The following CHRM2 variants were observed in gnomAD, a reference collection of about 807,000 sequenced individuals.
The protein encoded by CHRM2 is cholinergic receptor muscarinic 2, also known as muscarinic acetylcholine receptor M2.
Under a neutral mutation model 25.0 loss-of-function variants are expected in CHRM2, and 8 were observed. The ratio of observed to expected loss-of-function variants is 0.32; its 90% confidence interval spans 0.19 to 0.58. The LOEUF (loss-of-function observed/expected upper bound fraction) is 0.58, where lower values mean the gene tolerates loss of function less well. CHRM2 is among the 20% of genes least tolerant of loss of function. CHRM2 has a pLI of 0.88. For missense variants in CHRM2, 440 were observed against 567.1 expected, an observed-to-expected ratio of 0.78 and a Z score of 2.28; for synonymous variants, 202 against 205.7, an observed-to-expected ratio of 0.98 and a Z score of 0.15.
chr7:136,951,446 C>A (rs1283306775), intron 2 of CHRM2, among the ~76,000 whole-genome samples: 1 of 152,114 alleles, frequency 6.6e-6, no homozygotes, highest in African/African-American at 2.4e-5. Context: ...TGCTAGAGAG[C>A]CTGGCTTTGC....
At chr7:136,929,841 A>G (rs73158742) in intron 2 of CHRM2, among the ~76,000 whole-genome samples, 21,402 of 152,088 alleles carry the variant, frequency 0.14, 2,024 homozygotes, top group East Asian at 0.38. Flanking sequence ...TGAGAGAGGT[A>G]ATGCAACTCC....
intron 2 of CHRM2, chr7:136,872,025 A>T (rs1475415490): frequency 6.6e-6 from 1 of 152,224 alleles, no homozygotes; most frequent in African/African-American, 2.4e-5. Context: ...TAAAAAATTT[A>T]ACCTGACCCT....
At position 137,017,852 on chromosome 7, in the gene CHRM2, G is replaced by A. The variant is rs889549291; in HGVS notation, c.*1586G>A. The A allele has an allele frequency of 6.6e-5, 10 of 151,860 alleles. No individual in the cohort carries two copies. The highest frequency in any genetic ancestry group is 1.0e-4 in the Non-Finnish European group (7 of 67,898). The allele number at this position is 151,860 out of a possible 1,614,324, so 9.4% of individuals were successfully genotyped here. On this transcript the variant is annotated 3_prime_UTR_variant, in exon 4 of 4. Coordinates refer to ENST00000680005, the MANE Select transcript of CHRM2 (RefSeq NM_001006630.2). Reference sequence around the variant, plus strand: ...GTGGCATTATATAGAATCTTGCCACGTAGAGATTTTTTATTTGGTCGTCTA... The same window carrying A: ...GTGGCATTATATAGAATCTTGCCACATAGAGATTTTTTATTTGGTCGTCTA...
At chr7:136,965,419 A>C (rs1197908773) in intron 2 of CHRM2, among the ~76,000 whole-genome samples, 1 of 152,150 alleles carries the variant, frequency 6.6e-6, no homozygotes, top group Admixed American at 6.5e-5. Context: ...AGAGCAAATT[A>C]ATTGGTGAAA....
chr7:136,973,955 T>A (rs930460906), intron 2 of CHRM2, among the ~76,000 whole-genome samples: 1 of 152,290 alleles, frequency 6.6e-6, no homozygotes, highest in African/African-American at 2.4e-5. Flanking sequence ...ACTATTTGAT[T>A]CTTAAGAATG....
chr7:136,881,820 AGAG>A (rs1308210623), intron 2 of CHRM2, among the ~76,000 whole-genome samples: 6 of 152,060 alleles, frequency 3.9e-5, no homozygotes, highest in African/African-American at 1.4e-4. Flanking sequence ...AAATTCAAGA[AGAG>A]GAGAGGAAAA....
chr7:136,879,069 T>A (rs931476969), intron 2 of CHRM2, among the ~76,000 whole-genome samples: 5 of 151,950 alleles, frequency 3.3e-5, no homozygotes, highest in Non-Finnish European at 5.9e-5. Context: ...ACTAACCTCC[T>A]GGCTTAGCAT....
chr7:136,897,995 T>A (rs189406588), intron 2 of CHRM2, among the ~76,000 whole-genome samples: 3 of 152,236 alleles, frequency 2.0e-5, no homozygotes. Context: ...CATTGCTCTG[T>A]TAAACACTTT....
chr7:136,885,385 T>C (rs1796423005), intron 2 of CHRM2, among the ~76,000 whole-genome samples: 1 of 152,212 alleles, frequency 6.6e-6, no homozygotes, highest in South Asian at 2.1e-4. Context: ...GTATCATCTG[T>C]ATAGCCACAT....
chr7:136,905,835 G>A (rs374468446), intron 2 of CHRM2, among the ~76,000 whole-genome samples: 2 of 150,842 alleles, frequency 1.3e-5, no homozygotes, highest in Middle Eastern at 3.5e-3. Flanking sequence ...TATTGATTGC[G>A]AGAGTATCTA....
At chr7:136,939,896 G>A (rs966544509) in intron 2 of CHRM2, among the ~76,000 whole-genome samples, 3 of 152,166 alleles carry the variant, frequency 2.0e-5, no homozygotes, top group African/African-American at 7.2e-5. Context: ...ATTATATCCA[G>A]TGAATATTGA....
At chr7:136,984,984 C>T (rs530975171) in intron 2 of CHRM2, among the ~76,000 whole-genome samples, 1 of 152,170 alleles carries the variant, frequency 6.6e-6, no homozygotes, top group South Asian at 2.1e-4. Context: ...TTCTCCCAGA[C>T]TTATTTGACA....
intron 2 of CHRM2, among the ~76,000 whole-genome samples, chr7:136,950,816 T>C (rs1267474430): frequency 6.6e-6 from 1 of 151,940 alleles, no homozygotes; most frequent in Non-Finnish European, 1.5e-5. Flanking sequence ...GTTGTTGTTG[T>C]TGTTGTTGTT....
intron 3 of CHRM2, among the ~76,000 whole-genome samples, chr7:137,005,086 T>A (rs956365274): frequency 3.9e-5 from 6 of 152,096 alleles, no homozygotes; most frequent in Admixed American, 2.6e-4. Flanking sequence ...AACCAAGATT[T>A]AGCTATATGG....
chr7:136,988,623 CTCATGACTG>C (rs1485498451), intron 2 of CHRM2, among the ~76,000 whole-genome samples: 1 of 152,100 alleles, frequency 6.6e-6, no homozygotes, highest in Non-Finnish European at 1.5e-5. Flanking sequence ...TATTTCTTCT[CTCATGACTG>C]TCAACAAATA....
intron 2 of CHRM2, among the ~76,000 whole-genome samples, chr7:136,922,230 AT>A (rs1798490735): frequency 6.6e-6 from 1 of 152,150 alleles, no homozygotes; most frequent in Non-Finnish European, 1.5e-5. Context: ...CCTGCAACAC[AT>A]CTCATCTGTC....
At chr7:136,903,560 A>C (rs1198194226) in intron 2 of CHRM2, among the ~76,000 whole-genome samples, 1 of 152,048 alleles carries the variant, frequency 6.6e-6, no homozygotes, top group Non-Finnish European at 1.5e-5. Context: ...TGTGAATTTT[A>C]ATTATGTACA....
chr7:136,917,140 C>T (rs1000969170), intron 2 of CHRM2, among the ~76,000 whole-genome samples: 1 of 149,798 alleles, frequency 6.7e-6, no homozygotes, highest in African/African-American at 2.5e-5. Flanking sequence ...CAGTGACATT[C>T]ACTATTTTCA....
chr7:136,967,516 G>A (rs2130916434), intron 2 of CHRM2, among the ~76,000 whole-genome samples: 1 of 152,142 alleles, frequency 6.6e-6, no homozygotes, highest in Non-Finnish European at 1.5e-5. Context: ...GTAGAGGAAA[G>A]TAGATCTGAC....
Sources: gnomAD v4.1 joint callset for allele counts (sites outside exome capture counted in the v4.1 genomes callset) on GRCh38, gnomAD v4.1.1 for gene constraint, MANE v1.5 for transcripts, NCBI Gene and HGNC (gene_info 2026-07-23, HGNC 2026-07-21) for gene names.